C14orf39: variants seen among roughly 807,000 people sequenced by gnomAD.
C14orf39 encodes protein SIX6OS1.
Under a neutral mutation model 85.6 loss-of-function variants are expected in C14orf39, and 66 were observed. That is an observed-to-expected ratio of 0.77 (90% CI 0.63 to 0.95). C14orf39 has a LOEUF of 0.95. Among genes scored for constraint, C14orf39 ranks in the 40% least tolerant of loss-of-function variants. The probability of loss-of-function intolerance (pLI) is 0.00; values close to 1 mark genes in which losing one functional copy is unlikely to be tolerated. For synonymous variants in C14orf39, 242 were observed against 214.0 expected (o/e 1.13, Z -1.14); for missense variants, 735 against 663.9 (o/e 1.11, Z -1.18).
At chr14:60,444,926 GA>G (rs1566655262) in intron 16 of C14orf39, among the ~76,000 whole-genome samples, 1 of 152,178 alleles carries the variant, frequency 6.6e-6, no homozygotes, top group African/African-American at 2.4e-5. Flanking sequence ...CATTCTTAAA[GA>G]AAAGAATTTT....
rs562393120 is a variant in C14orf39, at chr14:60,464,117, G to A, written c.972+1862C>T. ...TTCTAGGAAAAATCCTTAAAAATGG[G>A]GCTGACTCAGCTAGCCCTTCTCCCC... On this transcript the variant is annotated intron_variant, in intron 11 of 17. Coordinates refer to ENST00000321731, the MANE Select transcript of C14orf39 (RefSeq NM_174978.3). 1.1e-4 allele frequency among the ~76,000 whole-genome samples: 17 copies of A among 152,226 alleles called. No individual in the cohort carries two copies. The South Asian group carries it at 3.5e-3, about 32-fold the overall frequency.
intron 1 of C14orf39, among the ~76,000 whole-genome samples, chr14:60,500,858 TA>T (rs1243208163): frequency 1.3e-4 from 19 of 151,370 alleles, no homozygotes; most frequent in African/African-American, 4.6e-4. Flanking sequence ...ATTGCTTTTA[TA>T]AGAAGGAAAA....
intron 5 of C14orf39, among the ~76,000 whole-genome samples, chr14:60,477,198 G>A (rs1892417772): frequency 6.6e-6 from 1 of 151,978 alleles, no homozygotes; most frequent in South Asian, 2.1e-4. Context: ...CTAGATGATG[G>A]CGTACTCCAG....
At chr14:60,449,530 T>C (rs1890941150) in intron 16 of C14orf39, among the ~76,000 whole-genome samples, 2 of 152,272 alleles carry the variant, frequency 1.3e-5, no homozygotes, top group East Asian at 1.9e-4. Flanking sequence ...CCTTATAGGA[T>C]GTTTGAATAT....
At chr14:60,511,128 G>A (rs752534682) in intron 1 of C14orf39, 3 of 1,612,810 alleles carry the variant, frequency 1.9e-6, no homozygotes, top group South Asian at 1.1e-5. Context: ...CGGGCACTAC[G>A]GGCGGAGGGC....
At chr14:60,463,075 T>C (rs1444156530) in intron 11 of C14orf39, among the ~76,000 whole-genome samples, 1 of 152,150 alleles carries the variant, frequency 6.6e-6, no homozygotes, top group Non-Finnish European at 1.5e-5. Flanking sequence ...TGTACCAAAT[T>C]ACACTTCCAC....
chr14:60,469,137 T>A (rs1368390748), intron 8 of C14orf39, among the ~76,000 whole-genome samples: 1 of 151,076 alleles, frequency 6.6e-6, no homozygotes, highest in Non-Finnish European at 1.5e-5. Context: ...TTTTTCAAGT[T>A]TAAATTCTTT....
At chr14:60,496,079 T>C (rs1218360058) in intron 2 of C14orf39, 4 of 787,588 alleles carry the variant, frequency 5.1e-6, no homozygotes, top group South Asian at 1.4e-5. Context: ...GAGACAGACC[T>C]TGGCTTCCAG....
At chr14:60,481,504 A>G (rs1474639800) in intron 4 of C14orf39, among the ~76,000 whole-genome samples, 2 of 152,096 alleles carry the variant, frequency 1.3e-5, no homozygotes, top group Non-Finnish European at 2.9e-5. Flanking sequence ...TTTTTTTTAA[A>G]TCATGCTTAT....
chr14:60,465,939 G>A, intron 11 of C14orf39, 40 bp downstream of exon 11: 1 of 1,018,060 alleles, frequency 9.8e-7, no homozygotes, highest in Non-Finnish European at 1.4e-6. Context: ...TTTAATGCAA[G>A]CAGGTATTTA....
At chr14:60,493,269 T>C (rs1893019264) in intron 2 of C14orf39, among the ~76,000 whole-genome samples, 1 of 152,218 alleles carries the variant, frequency 6.6e-6, no homozygotes, top group South Asian at 2.1e-4. Flanking sequence ...CCTTAGTATT[T>C]TGGAGTTTTT....
In C14orf39 at chr14:60,484,234, C is replaced by T. The variant is rs1250380543; in HGVS notation, c.107-417G>A. Reference sequence around the variant, plus strand: ...TCAATTCTATGTCAATTATTAAACGCACTTTCAACTCACTTATTTCTGTTA... The same window carrying T: ...TCAATTCTATGTCAATTATTAAACGTACTTTCAACTCACTTATTTCTGTTA... On this transcript the variant is annotated intron_variant, in intron 3 of 17. Coordinates refer to ENST00000321731, the MANE Select transcript of C14orf39 (RefSeq NM_174978.3). This position sits in a 1 kb window ranked among gnomAD's most constrained non-coding sequence, Gnocchi z 4.2. Among the ~76,000 whole-genome samples, 2 of 152,118 alleles carry T rather than the reference C, an allele frequency of 1.3e-5. No homozygotes were observed. The highest frequency in any genetic ancestry group is 1.9e-4 in the East Asian group (1 of 5,202).
Position 60,484,871 on chromosome 14 carries a change from A to C in C14orf39, c.106+10T>G. ...AGACTAAAATATCTTGATCATGCAA[A>C]GCTACTTACTATTAATTCTTTGAAT... On this transcript the variant is annotated intron_variant, in intron 3 of 17. Transcript: ENST00000321731. This position sits in a 1 kb window ranked among gnomAD's most constrained non-coding sequence, Gnocchi z 4.2. The C allele has an allele frequency of 6.5e-7, 1 of 1,546,330 alleles. No individual in the cohort carries two copies. Among genetic ancestry groups the C allele is most frequent in the South Asian group, 1.2e-5 (1 of 85,094 alleles).
At chr14:60,511,461 C>G (rs1893293911) in intron 1 of C14orf39, 1 of 648,866 alleles carries the variant, frequency 1.5e-6, no homozygotes, top group Non-Finnish European at 2.8e-6. Context: ...CGGGAACCAG[C>G]GGTGAGGCCT....
intron 11 of C14orf39, among the ~76,000 whole-genome samples, chr14:60,462,793 T>C (rs536484016): frequency 6.6e-6 from 1 of 152,190 alleles, no homozygotes; most frequent in South Asian, 2.1e-4. Context: ...CTTATTTTAT[T>C]TATTTATTTA....
intron 1 of C14orf39, chr14:60,511,320 G>C: frequency 7.2e-6 from 11 of 1,528,592 alleles, no homozygotes; most frequent in African/African-American, 1.4e-5. Flanking sequence ...TGAAAGAGGG[G>C]AAGAAGATGA....
At chr14:60,443,333 G>T (rs749935133) in intron 16 of C14orf39, among the ~76,000 whole-genome samples, 1 of 152,182 alleles carries the variant, frequency 6.6e-6, no homozygotes, top group East Asian at 1.9e-4. Flanking sequence ...ACTGCACTTT[G>T]TCCAAGGTCT....
At chr14:60,511,552 C>T in intron 1 of C14orf39, 1 of 542,314 alleles carries the variant, frequency 1.8e-6, no homozygotes, top group Non-Finnish European at 3.3e-6. Flanking sequence ...GAACTGCAAG[C>T]TGAGCGCCTG....
chr14:60,448,556 A>T (rs571597536), intron 16 of C14orf39, among the ~76,000 whole-genome samples: 58 of 152,308 alleles, frequency 3.8e-4, no homozygotes, highest in African/African-American at 1.2e-3. Context: ...GATATGGAGA[A>T]ATAGGAACAC....
Sources: allele counts gnomAD v4.1 joint callset (sites outside exome capture counted in the v4.1 genomes callset), GRCh38; gene constraint gnomAD v4.1.1; non-coding constraint Gnocchi (gnomAD v3.1); transcripts MANE v1.5; gene names NCBI Gene and HGNC (gene_info 2026-07-23, HGNC 2026-07-21).